Variants in RANBP2 observed in about 807,000 individuals in gnomAD.
The protein encoded by RANBP2 is E3 SUMO-protein ligase RanBP2.
Under a neutral mutation model 303.6 loss-of-function variants are expected in RANBP2, and 57 were observed. The observed-to-expected ratio is 0.19, with a 90% CI of 0.15 to 0.23. The LOEUF is 0.23. Ranked by LOEUF, RANBP2 falls within the 10% of genes least tolerant of loss-of-function variation. The pLI is 1.00. For missense variants in RANBP2, 3,138 were observed against 3,780.8 expected, an observed-to-expected ratio of 0.83 and a Z score of 4.46; for synonymous variants, 1,167 against 1,301.5, an observed-to-expected ratio of 0.90 and a Z score of 2.23.
At chr2:108,762,826 C>T (rs1175011285) in intron 19 of RANBP2, among the ~76,000 whole-genome samples, 2 of 151,450 alleles carry the variant, frequency 1.3e-5, no homozygotes, top group African/African-American at 2.4e-5. Context: ...TCATCATCAT[C>T]ATTAACATCA....
chr2:109,351,603 C>A, the RANBP2 span, among the ~76,000 whole-genome samples: 1 of 152,236 alleles, frequency 6.6e-6, no homozygotes, highest in Non-Finnish European at 1.5e-5. Context: ...AGGGCCCACG[C>A]TGCTTTTCAT....
At chr2:109,090,768 TA>T in the RANBP2 span, among the ~76,000 whole-genome samples, 14 of 152,178 alleles carry the variant, frequency 9.2e-5, no homozygotes, top group Non-Finnish European at 1.0e-4. Flanking sequence ...GTAGAACTAT[TA>T]AAAATATTTT....
chr2:109,021,063 A>G, the RANBP2 span, among the ~76,000 whole-genome samples: 1 of 152,186 alleles, frequency 6.6e-6, no homozygotes, highest in African/African-American at 2.4e-5. Context: ...ATTTTCCAGC[A>G]AAAGGGGCAG....
the RANBP2 span, among the ~76,000 whole-genome samples, chr2:109,010,953 A>T: frequency 6.6e-6 from 1 of 152,040 alleles, no homozygotes; most frequent in South Asian, 2.1e-4. Flanking sequence ...GGTTCCCTGC[A>T]CCCACCTTTC....
the RANBP2 span, among the ~76,000 whole-genome samples, chr2:109,676,259 G>A: frequency 6.6e-6 from 1 of 152,174 alleles, no homozygotes; most frequent in Non-Finnish European, 1.5e-5. Context: ...CCTGGGAGCC[G>A]GGCTCTCCGT....
the RANBP2 span, among the ~76,000 whole-genome samples, chr2:109,711,282 A>G: frequency 1 from 151,828 of 151,948 alleles, 75,854 homozygotes; most frequent in Non-Finnish European, 1. Flanking sequence ...CTCACACCCT[A>G]TAAACGTCAC....
chr2:108,914,509 G>A, the RANBP2 span, among the ~76,000 whole-genome samples: 2 of 152,110 alleles, frequency 1.3e-5, no homozygotes, highest in Admixed American at 6.6e-5. Context: ...GTGACTTAGC[G>A]GGGATAAAAT....
the RANBP2 span, among the ~76,000 whole-genome samples, chr2:109,113,872 T>G: frequency 6.6e-6 from 1 of 152,276 alleles, no homozygotes; most frequent in African/African-American, 2.4e-5. Context: ...CAAAGACCTC[T>G]TCTGCATCTA....
chr2:109,727,817 T>TA, the RANBP2 span, among the ~76,000 whole-genome samples: 1 of 152,204 alleles, frequency 6.6e-6, no homozygotes, highest in Non-Finnish European at 1.5e-5. Flanking sequence ...AATGACCTCT[T>TA]AAAAATACCT....
the RANBP2 span, among the ~76,000 whole-genome samples, chr2:109,470,755 G>A: frequency 1.3e-5 from 2 of 152,240 alleles, no homozygotes; most frequent in African/African-American, 4.8e-5. Context: ...CCTCGGCTCA[G>A]CCACCCCTGT....
chr2:109,623,893 G>A, the RANBP2 span, among the ~76,000 whole-genome samples: 1 of 152,216 alleles, frequency 6.6e-6, no homozygotes, highest in Admixed American at 6.5e-5. Context: ...GGAGAGCCCA[G>A]GATGGGGTCT....
the RANBP2 span, among the ~76,000 whole-genome samples, chr2:109,579,387 T>G: frequency 6.9e-6 from 1 of 145,954 alleles, no homozygotes; most frequent in Non-Finnish European, 1.5e-5. Flanking sequence ...AGGCCCTCCT[T>G]TTTTTTTTTT....
the RANBP2 span, among the ~76,000 whole-genome samples, chr2:108,935,123 G>C: frequency 6.6e-6 from 1 of 152,260 alleles, no homozygotes; most frequent in East Asian, 1.9e-4. Context: ...GGCGCTTTAC[G>C]GAAAAGGTCT....
At chr2:108,879,626 T>C in the RANBP2 span, among the ~76,000 whole-genome samples, 42 of 152,338 alleles carry the variant, frequency 2.8e-4, no homozygotes, top group Non-Finnish European at 4.0e-4. Context: ...GCTAAGTTTT[T>C]AGTATATTAT....
the RANBP2 span, among the ~76,000 whole-genome samples, chr2:109,411,865 A>G: frequency 6.6e-6 from 1 of 152,162 alleles, no homozygotes; most frequent in Non-Finnish European, 1.5e-5. Flanking sequence ...TAAATCCCAC[A>G]TATTTGCTTG....
chr2:109,430,832 G>A, the RANBP2 span, among the ~76,000 whole-genome samples: 1 of 152,122 alleles, frequency 6.6e-6, no homozygotes, highest in Non-Finnish European at 1.5e-5. Context: ...CACTGTCAGT[G>A]TTCACCATTT....
chr2:109,243,825 C>A, the RANBP2 span, among the ~76,000 whole-genome samples: 1 of 152,280 alleles, frequency 6.6e-6, no homozygotes, highest in East Asian at 1.9e-4. Context: ...CATTGAAAGG[C>A]TGTAATCAGG....
At chr2:109,586,867 G>C in the RANBP2 span, among the ~76,000 whole-genome samples, 21 of 152,124 alleles carry the variant, frequency 1.4e-4, no homozygotes, top group Non-Finnish European at 1.0e-4. Context: ...CTGTAACAAG[G>C]CTCAACATGA....
At chr2:109,592,912 C>A in the RANBP2 span, 1 of 453,890 alleles carries the variant, frequency 2.2e-6, no homozygotes, top group Non-Finnish European at 3.9e-6. Flanking sequence ...CTTGAATCAA[C>A]AGAAAAATTA....
Sources: allele counts gnomAD v4.1 joint callset (sites outside exome capture counted in the v4.1 genomes callset), GRCh38; gene constraint gnomAD v4.1.1; transcripts MANE v1.5; gene names NCBI Gene and HGNC (gene_info 2026-07-23, HGNC 2026-07-21).